Variants in MCPH1 observed in about 807,000 individuals in gnomAD.
MCPH1 encodes the protein microcephalin 1.
Under a neutral mutation model 84.5 loss-of-function variants are expected in MCPH1, and 104 were observed. The ratio of observed to expected loss-of-function variants is 1.23; its 90% CI spans 1.05 to 1.45. The LOEUF is 1.45. MCPH1 is among the 40% of genes most tolerant of loss of function. The probability of loss-of-function intolerance (pLI) is 0.00; values close to 1 mark genes in which losing one functional copy is unlikely to be tolerated. For missense variants in MCPH1, 1,498 were observed against 1,005.7 expected (o/e 1.49, Z -6.62); for synonymous variants, 514 against 366.8 (o/e 1.40, Z -4.58).
intron 12 of MCPH1, among the ~76,000 whole-genome samples, chr8:6,552,979 C>A (rs910262537): frequency 6.6e-6 from 1 of 152,264 alleles, no homozygotes; most frequent in African/African-American, 2.4e-5. Flanking sequence ...GCAGGTAGAG[C>A]ACAGAGGATT....
rs893937732 is a variant in MCPH1 at position 6,477,511 on chromosome 8, A to C, written c.1936-83A>C. 7.7e-6 allele frequency: 10 copies of C among 1,298,050 alleles called. No individual in the cohort carries two copies. In the African/African-American group the frequency reaches 1.2e-4, roughly 15 times the overall value. 80.4% of individuals were successfully genotyped at this position (1,298,050 alleles called of 1,614,324 possible). A position where few individuals can be genotyped will look rare whatever the true frequency, so the allele number is the denominator to read the frequency against. ...TTTTAAGTGATGTAACTTTTCAAAA[A>C]ACTTATTACAGTTTATTTCTGTGGG... On this transcript the variant is annotated intron_variant, in intron 9 of 13. Transcript: ENST00000344683.
intron 9 of MCPH1, among the ~76,000 whole-genome samples, chr8:6,475,493 C>T (rs568750767): frequency 6.6e-6 from 1 of 152,202 alleles, no homozygotes; most frequent in Non-Finnish European, 1.5e-5. Context: ...CCGGGGAAAA[C>T]CCAGGTAGCC....
At chr8:6,417,396 C>T (rs1357266656) in intron 3 of MCPH1, among the ~76,000 whole-genome samples, 2 of 77,872 alleles carry the variant, frequency 2.6e-5, no homozygotes, top group Non-Finnish European at 7.8e-5. Context: ...GTCTGTGTGG[C>T]AGCAAACTTT....
chr8:6,512,130 T>A (rs1161607683), intron 12 of MCPH1, among the ~76,000 whole-genome samples: 15 of 152,188 alleles, frequency 9.9e-5, no homozygotes, highest in Admixed American at 9.8e-4. Context: ...ATGAGAATAG[T>A]GAATATGCTT....
At chr8:6,576,520 G>A (rs369839003) in intron 12 of MCPH1, among the ~76,000 whole-genome samples, 1 of 10,430 alleles carries the variant, frequency 9.6e-5, no homozygotes, top group South Asian at 3.9e-3. Flanking sequence ...CCCCTTCCCC[G>A]TCCCTTTAGA....
intron 9 of MCPH1, among the ~76,000 whole-genome samples, chr8:6,458,100 A>G (rs1244285703): frequency 6.6e-6 from 1 of 152,166 alleles, no homozygotes; most frequent in Non-Finnish European, 1.5e-5. Context: ...TCCTAGAAGA[A>G]GTTTCATTTC....
chr8:6,527,941 G>A (rs1312582218), intron 12 of MCPH1, among the ~76,000 whole-genome samples: 1 of 144,474 alleles, frequency 6.9e-6, no homozygotes, highest in Non-Finnish European at 1.5e-5. Context: ...CATTGCCCGG[G>A]GTGGAGTGCA....
At chr8:6,506,334 C>T (rs1284902842) in intron 12 of MCPH1, among the ~76,000 whole-genome samples, 2 of 152,128 alleles carry the variant, frequency 1.3e-5, no homozygotes, top group Non-Finnish European at 2.9e-5. Flanking sequence ...TTGACCTCTT[C>T]ACAGGCAAGA....
chr8:6,604,383 C>G (rs922407403), intron 12 of MCPH1, among the ~76,000 whole-genome samples: 1 of 152,246 alleles, frequency 6.6e-6, no homozygotes, highest in Non-Finnish European at 1.5e-5. Flanking sequence ...GTAGACTCCA[C>G]TACCCTAATG....
intron 12 of MCPH1, among the ~76,000 whole-genome samples, chr8:6,582,664 C>T (rs556000094): frequency 1.3e-5 from 2 of 152,186 alleles, no homozygotes; most frequent in Non-Finnish European, 2.9e-5. Context: ...CCACATATCC[C>T]ATTACCCTGC....
intron 12 of MCPH1, among the ~76,000 whole-genome samples, chr8:6,564,021 G>T (rs1056619286): frequency 7.7e-6 from 1 of 129,894 alleles, no homozygotes; most frequent in African/African-American, 2.9e-5. Flanking sequence ...TCGCTCTGTC[G>T]ACCAGGCTAG....
At chr8:6,535,553 C>T (rs1481656229) in intron 12 of MCPH1, among the ~76,000 whole-genome samples, 3 of 152,066 alleles carry the variant, frequency 2.0e-5, no homozygotes, top group South Asian at 2.1e-4. Flanking sequence ...TACAAATACA[C>T]ATGATGTGTG....
At chr8:6,503,007 G>A (rs1338461011) in intron 12 of MCPH1, 2 of 1,439,348 alleles carry the variant, frequency 1.4e-6, no homozygotes, top group East Asian at 2.3e-5. Flanking sequence ...CCTCTGTGGT[G>A]GAAGAGGACA....
At chr8:6,447,267 A>G (rs546817011) in intron 8 of MCPH1, 27 of 985,422 alleles carry the variant, frequency 2.7e-5, no homozygotes, top group Middle Eastern at 1.0e-3. Context: ...ATCTTAGAAG[A>G]TGAAACCATA....
chr8:6,488,329 C>G (rs933271681), intron 11 of MCPH1, among the ~76,000 whole-genome samples: 4 of 152,174 alleles, frequency 2.6e-5, no homozygotes, highest in African/African-American at 7.2e-5. Context: ...AAAAGTGATT[C>G]ATCTGTAAAA....
At chr8:6,596,695 G>A (rs1193394361) in intron 12 of MCPH1, among the ~76,000 whole-genome samples, 4 of 152,066 alleles carry the variant, frequency 2.6e-5, no homozygotes, top group East Asian at 1.9e-4. Flanking sequence ...TTGTATTGCC[G>A]GAGACCAGCA....
chr8:6,514,384 T>C (rs2129567746), intron 12 of MCPH1, among the ~76,000 whole-genome samples: 1 of 152,188 alleles, frequency 6.6e-6, no homozygotes, highest in South Asian at 2.1e-4. Context: ...GATACAGAGT[T>C]TTGTTATGTT....
intron 6 of MCPH1, among the ~76,000 whole-genome samples, chr8:6,440,094 T>C (rs1803281304): frequency 6.6e-6 from 1 of 152,210 alleles, no homozygotes; most frequent in Admixed American, 6.5e-5. Context: ...TGCAGCTTAG[T>C]TGTTGTAGAC....
At chr8:6,485,232 G>A (rs890718637) in intron 11 of MCPH1, among the ~76,000 whole-genome samples, 1 of 152,050 alleles carries the variant, frequency 6.6e-6, no homozygotes, top group East Asian at 1.9e-4. Context: ...GGCTGAGGCA[G>A]GAGAATCGCT....
Sources: gnomAD v4.1 joint callset for allele counts (sites outside exome capture counted in the v4.1 genomes callset) on GRCh38, gnomAD v4.1.1 for gene constraint, MANE v1.5 for transcripts, NCBI Gene and HGNC (gene_info 2026-07-23, HGNC 2026-07-21) for gene names.